CDKN2C: variants seen among roughly 807,000 people sequenced by gnomAD.
The protein encoded by CDKN2C is cyclin dependent kinase inhibitor 2C.
A neutral mutation model predicts 11.0 loss-of-function variants in CDKN2C; 5 were observed. The ratio of observed to expected loss-of-function variants is 0.45; its 90% CI spans 0.24 to 0.95. The LOEUF is 0.95. Among genes scored for constraint, CDKN2C ranks in the 40% least tolerant of loss-of-function variants. The pLI is 0.21. For synonymous variants in CDKN2C, 79 were observed against 88.3 expected (o/e 0.89, Z 0.59); for missense variants, 161 against 211.9 (o/e 0.76, Z 1.49).
At chr1:50,965,495 CA>C (rs143889380), upstream of CDKN2C, among the ~76,000 whole-genome samples, 22 of 143,620 alleles carry the variant, frequency 1.5e-4, no homozygotes, top group South Asian at 8.8e-4. Context: ...GACTCTGTCT[CA>C]AAAAAAAAAG....
chr1:50,974,321 A>T lies in CDKN2C; in HGVS notation c.*51A>T, dbSNP rs772345314. 108 of 1,494,840 alleles carry T rather than the reference A, an allele frequency of 7.2e-5. No homozygotes were observed. The highest frequency in any genetic ancestry group is 6.4e-5 in the Non-Finnish European group (71 of 1,116,952). The allele number at this position is 1,494,840 out of a possible 1,614,324, so 92.6% of individuals were successfully genotyped here. ...CCTCTACTTTATCAATTAACTGAGTAGCTCTCCTGACTTTTAATGTCATTT... is the reference window on the plus strand; with the variant it reads ...CCTCTACTTTATCAATTAACTGAGTTGCTCTCCTGACTTTTAATGTCATTT... On this transcript the variant is annotated 3_prime_UTR_variant, in exon 2 of 2. Transcript: ENST00000371761.
chr1:50,968,628 G>A (rs1167056228), upstream of CDKN2C: 1 of 152,218 alleles, frequency 6.6e-6, no homozygotes, highest in Non-Finnish European at 1.5e-5. Flanking sequence ...CTGCGAGCGC[G>A]AGCGCCAGCA....
rs1189683335 is a variant in CDKN2C, at chr1:50,974,177, C to T, written c.414C>T (p.Asp138=). The T allele has an allele frequency of 6.2e-6, 10 of 1,613,396 alleles. 1 individual carries two copies. The South Asian group carries it at 1.1e-4, about 18-fold the overall frequency. The change falls in exon 2 of 2, where the codon GAC becomes GAT. Residue 138 remains aspartate, a synonymous_variant. Coordinates refer to ENST00000371761, the MANE Select transcript of CDKN2C (RefSeq NM_078626.3). ...SNVGHRNHKG[D]TACDLARLYG... ...TGGGGCATCGGAACCATAAGGGGGA[C>T]ACCGCCTGTGATTTGGCCAGGCTCT...
At chr1:50,972,270 A>G (rs1645385095) in intron 1 of CDKN2C, among the ~76,000 whole-genome samples, 1 of 152,100 alleles carries the variant, frequency 6.6e-6, no homozygotes, top group African/African-American at 2.4e-5. Context: ...ACCAAAAAGT[A>G]TGTTTCATTG....
intron 1 of CDKN2C, among the ~76,000 whole-genome samples, chr1:50,963,209 AT>A (rs1282239072): frequency 1.2e-4 from 19 of 152,144 alleles, no homozygotes; most frequent in African/African-American, 4.6e-4. Flanking sequence ...AAATTTTGTA[AT>A]TTTTTTCTCT....
chr1:50,972,937 C>T (rs1645388322), intron 1 of CDKN2C, among the ~76,000 whole-genome samples: 1 of 152,142 alleles, frequency 6.6e-6, no homozygotes, highest in Non-Finnish European at 1.5e-5. Flanking sequence ...TGTCCCAAAA[C>T]ACCCATTAAA....
Position 50,970,455 on chromosome 1 carries a change from A to G in CDKN2C, c.87A>G (p.Val29=). The G allele has an allele frequency of 6.2e-7, 1 of 1,614,152 alleles. No individual in the cohort carries two copies. The highest frequency in any genetic ancestry group is 8.5e-7 in the Non-Finnish European group (1 of 1,180,038). ...TTACTAGTTTGTTGCAAAATAATGT[A>G]AACGTCAATGCACAAAATGGATTTG... The part of the protein sequence containing the change: ...EQLTSLLQNN[V]NVNAQNGFGR... The change falls in exon 1 of 2, where the codon GTA becomes GTG. Residue 29 remains valine (V), a synonymous_variant. Transcript: ENST00000371761.
At position 50,974,454 on chromosome 1, in the gene CDKN2C, C is replaced by G; in HGVS notation, c.*184C>G. 5 of 507,396 alleles carry G rather than the reference C, an allele frequency of 9.9e-6. No individual in the cohort carries two copies. Among genetic ancestry groups the G allele is most frequent in the Non-Finnish European group, 1.7e-5 (5 of 301,202 alleles). The allele number at this position is 507,396 out of a possible 1,614,324, so 31.4% of individuals were successfully genotyped here. On this transcript the variant is annotated 3_prime_UTR_variant, in exon 2 of 2. Transcript: ENST00000371761. ...TATATTTAAGCAACATCTTTTTAAC[C>G]TGCAAAATCTGTTCTAACATGTAAT...
intron 1 of CDKN2C, among the ~76,000 whole-genome samples, chr1:50,964,348 T>C (rs1333910992): frequency 6.6e-6 from 1 of 152,234 alleles, no homozygotes; most frequent in Non-Finnish European, 1.5e-5. Flanking sequence ...GATTACCTAA[T>C]GTATTCTCAG....
chr1:50,972,180 TG>T (rs1180367777), intron 1 of CDKN2C, among the ~76,000 whole-genome samples: 1 of 152,166 alleles, frequency 6.6e-6, no homozygotes, highest in Non-Finnish European at 1.5e-5. Flanking sequence ...CCAAGGTATC[TG>T]TCTCTTATTT....
upstream of CDKN2C, chr1:50,967,787 C>T (rs1178608375): frequency 6.6e-6 from 1 of 152,194 alleles, no homozygotes; most frequent in Non-Finnish European, 1.5e-5. Flanking sequence ...ACACCCTCCC[C>T]AACCCCACAT....
Position 50,974,180 on chromosome 1 carries a change from C to T in CDKN2C, c.417C>T (p.Thr139=), listed in dbSNP as rs1645394755. The part of the protein sequence containing the change: ...NVGHRNHKGD[T]ACDLARLYGR... The stretch of plus-strand genomic sequence containing the variant: ...GGCATCGGAACCATAAGGGGGACAC[C>T]GCCTGTGATTTGGCCAGGCTCTATG... Residue 139 remains threonine (T), a synonymous_variant, in exon 2 of 2, where the codon ACC becomes ACT. Transcript: ENST00000371761. 3 of 1,613,232 alleles carry T rather than the reference C, an allele frequency of 1.9e-6. No homozygotes were observed. The highest frequency in any genetic ancestry group is 2.5e-6 in the Non-Finnish European group (3 of 1,179,302).
intron 1 of CDKN2C, among the ~76,000 whole-genome samples, chr1:50,971,919 C>G (rs561965746): frequency 6.6e-6 from 1 of 152,142 alleles, no homozygotes; most frequent in Admixed American, 6.5e-5. Flanking sequence ...AACACACACA[C>G]AGAAACTGGA....
At chr1:50,971,539 C>T (rs1343658289) in intron 1 of CDKN2C, among the ~76,000 whole-genome samples, 1 of 152,168 alleles carries the variant, frequency 6.6e-6, no homozygotes, top group Non-Finnish European at 1.5e-5. Flanking sequence ...GAAGTTTATG[C>T]ACAGATACTA....
intron 1 of CDKN2C, among the ~76,000 whole-genome samples, chr1:50,964,490 T>C (rs1302332130): frequency 6.6e-6 from 1 of 152,232 alleles, no homozygotes; most frequent in Non-Finnish European, 1.5e-5. Context: ...ACCAATTTCT[T>C]AAATAATACT....
chr1:50,963,664 C>T (rs1645335296), intron 1 of CDKN2C, among the ~76,000 whole-genome samples: 1 of 152,094 alleles, frequency 6.6e-6, no homozygotes, highest in Non-Finnish European at 1.5e-5. Context: ...GGATACCTAG[C>T]ATCCAGAGTG....
upstream of CDKN2C, chr1:50,969,910 G>T (rs1444231155): frequency 8.6e-6 from 2 of 233,390 alleles, no homozygotes; most frequent in South Asian, 9.9e-5. This position sits in a 1 kb window ranked among gnomAD's most constrained non-coding sequence, Gnocchi z 6.6. Flanking sequence ...GTGGGTGAAT[G>T]CCTTTTCTTC....
intron 1 of CDKN2C, among the ~76,000 whole-genome samples, chr1:50,961,985 A>G (rs987199342): frequency 1.3e-5 from 2 of 152,288 alleles, no homozygotes; most frequent in African/African-American, 2.4e-5. Context: ...GCTGGCCTAC[A>G]GTTCTTAAGT....
upstream of CDKN2C, among the ~76,000 whole-genome samples, chr1:50,965,368 GGC>G (rs1431679508): frequency 6.6e-6 from 1 of 151,704 alleles, no homozygotes; most frequent in Non-Finnish European, 1.5e-5. Context: ...TGTGGTAGTG[GGC>G]GCCTGTAATC....
Sources: allele counts gnomAD v4.1 joint callset (sites outside exome capture counted in the v4.1 genomes callset), GRCh38; gene constraint gnomAD v4.1.1; non-coding constraint Gnocchi (gnomAD v3.1); transcripts MANE v1.5; gene names NCBI Gene and HGNC (gene_info 2026-07-23, HGNC 2026-07-21).